The following HIBCH variants were observed in gnomAD, a reference collection of about 807,000 sequenced individuals.
The protein encoded by HIBCH is 3-hydroxyisobutyryl-CoA hydrolase, mitochondrial.
In HIBCH, 50 loss-of-function variants were observed where a neutral mutation model predicts 58.2. The observed-to-expected ratio is 0.86, with a 90% CI of 0.68 to 1.09. The LOEUF is 1.09. Ranked by LOEUF, HIBCH falls within the 50% of genes least tolerant of loss-of-function variation. The probability of loss-of-function intolerance (pLI) is 0.00; values close to 1 mark genes in which losing one functional copy is unlikely to be tolerated. For missense variants in HIBCH, 450 were observed against 449.7 expected (o/e 1.00, Z -0.01); for synonymous variants, 151 against 146.9 (o/e 1.03, Z -0.20).
At chr2:190,319,613 C>T in intron 1 of HIBCH, 103 bp downstream of exon 1, 1 of 1,008,334 alleles carries the variant, frequency 9.9e-7, no homozygotes, top group Non-Finnish European at 1.5e-6. Flanking sequence ...CCTCTGAGCG[C>T]GACTCGAAAC....
chr2:190,261,015 TATTTA>T (rs979502850), intron 7 of HIBCH, 136 bp downstream of exon 7: 10 of 671,794 alleles, frequency 1.5e-5, no homozygotes, highest in Middle Eastern at 4.0e-4. Context: ...AGTATCTTCC[TATTTA>T]ATTTCTTTTT....
In HIBCH at chr2:190,286,579, G is replaced by A. The variant is rs113063283; in HGVS notation, c.438+1007C>T. Among the ~76,000 whole-genome samples, 861 of 152,232 alleles carry A rather than the reference G, an allele frequency of 5.7e-3. 5 individuals are homozygous for A. The highest frequency in any genetic ancestry group is 0.02 in the African/African-American group (817 of 41,544). ...TCTCCATGCAGCCCTTTCCTGCCAT[G>A]AAGACCAATTCTGACCCCTCACTTC... On this transcript the variant is annotated intron_variant, in intron 6 of 13. Transcript: ENST00000359678.
At chr2:190,270,927 C>T (rs779151460) in intron 6 of HIBCH, among the ~76,000 whole-genome samples, 3 of 151,894 alleles carry the variant, frequency 2.0e-5, no homozygotes, top group Non-Finnish European at 4.4e-5. Context: ...TTTTACCCTG[C>T]TATTGGGTAT....
intron 11 of HIBCH, among the ~76,000 whole-genome samples, chr2:190,228,229 G>T (rs923884857): frequency 5.9e-5 from 9 of 152,040 alleles, no homozygotes; most frequent in Admixed American, 5.9e-4. Flanking sequence ...CCATAAAAAA[G>T]GATGAGTTCA....
At chr2:190,274,339 T>C (rs912811910) in intron 6 of HIBCH, among the ~76,000 whole-genome samples, 1 of 152,236 alleles carries the variant, frequency 6.6e-6, no homozygotes, top group African/African-American at 2.4e-5. Flanking sequence ...AGAACATGTC[T>C]TCAATGACAT....
At chr2:190,260,866 G>A (rs1005314895) in intron 7 of HIBCH, among the ~76,000 whole-genome samples, 1 of 152,052 alleles carries the variant, frequency 6.6e-6, no homozygotes, top group African/African-American at 2.4e-5. Context: ...AAACTGCACA[G>A]ATCTAAAGGC....
intron 11 of HIBCH, among the ~76,000 whole-genome samples, chr2:190,241,946 G>T (rs1367376906): frequency 6.6e-6 from 1 of 152,064 alleles, no homozygotes. Flanking sequence ...GTGTCTTGGG[G>T]TTGCTCTTCT....
chr2:190,287,364 A>G (rs1228122243), intron 6 of HIBCH, among the ~76,000 whole-genome samples: 1 of 152,170 alleles, frequency 6.6e-6, no homozygotes, highest in African/African-American at 2.4e-5. Context: ...GCCCGGCCAT[A>G]TAACATAACT....
chr2:190,243,563 A>T lies in HIBCH; in HGVS notation c.891+1324T>A, dbSNP rs933940056. 6.6e-6 allele frequency among the ~76,000 whole-genome samples: 1 copy of T among 152,210 alleles called. No homozygotes were observed. The highest frequency in any genetic ancestry group is 2.4e-5 in the African/African-American group (1 of 41,456). ...CAATCTACTTTTGTGAGTTAGGCAA[A>T]TAAATGGCTGGTCTACCTGCTCTAA... is the stretch of plus-strand genomic sequence containing the variant. On this transcript the variant is annotated intron_variant, in intron 11 of 13. Coordinates refer to ENST00000359678, the MANE Select transcript of HIBCH (RefSeq NM_014362.4). The surrounding 1 kb of genome is among the most constrained non-coding windows in gnomAD (Gnocchi z 4.1).
chr2:190,282,760 GC>G (rs1687735733), intron 6 of HIBCH, among the ~76,000 whole-genome samples: 1 of 151,150 alleles, frequency 6.6e-6, no homozygotes. Context: ...TCTTTCAACG[GC>G]TATACAAGAT....
Position 190,319,764 on chromosome 2 carries a change from G to A in HIBCH, c.-14C>T, listed in dbSNP as rs774367992. ...GCGCTGCCCCATCGCCAAACACTCC[G>A]AAGCTAAAGCAGCAGAGCGAGAATC... On this transcript the variant is annotated 5_prime_UTR_variant, in exon 1 of 14. Transcript: ENST00000359678. 8.1e-6 allele frequency: 13 copies of A among 1,610,528 alleles called. No individual in the cohort carries two copies. Among genetic ancestry groups the A allele is most frequent in the African/African-American group, 2.7e-5 (2 of 74,868 alleles).
At chr2:190,239,655 T>G (rs922089535) in intron 11 of HIBCH, among the ~76,000 whole-genome samples, 16 of 150,630 alleles carry the variant, frequency 1.1e-4, no homozygotes, top group Non-Finnish European at 2.1e-4. Flanking sequence ...TAGTTTTTTT[T>G]TTTTTTTTTT....
chr2:190,220,384 A>G (rs3828269), intron 11 of HIBCH: 47,762 of 152,036 alleles, frequency 0.31, 8,673 homozygotes, highest in African/African-American at 0.48. Flanking sequence ...AAATGGATAG[A>G]ACAGTATCTT....
chr2:190,289,567 G>T (rs900212093), intron 5 of HIBCH, among the ~76,000 whole-genome samples: 1 of 152,116 alleles, frequency 6.6e-6, no homozygotes, highest in Non-Finnish European at 1.5e-5. Context: ...GGGCTGAAAT[G>T]TAACTTCCAA....
At chr2:190,303,079 A>G (rs1234880469) in intron 2 of HIBCH, among the ~76,000 whole-genome samples, 1 of 152,174 alleles carries the variant, frequency 6.6e-6, no homozygotes, top group Non-Finnish European at 1.5e-5. Context: ...GACAGAATGA[A>G]CCCTGACCTA....
intron 1 of HIBCH, among the ~76,000 whole-genome samples, chr2:190,318,003 T>C (rs1235074914): frequency 6.6e-6 from 1 of 151,912 alleles, no homozygotes; most frequent in Non-Finnish European, 1.5e-5. Context: ...TTTTTGTATT[T>C]TTAGTAGAGA....
intron 4 of HIBCH, among the ~76,000 whole-genome samples, chr2:190,294,018 GTGTGTATATATA>G (rs1688034033): frequency 5.0e-5 from 2 of 39,972 alleles, no homozygotes; most frequent in African/African-American, 2.6e-4. Flanking sequence ...TATATATTTT[GTGTGTATATATA>G]TATATATATA....
chr2:190,215,927 G>T lies in HIBCH; in HGVS notation c.892-2852C>A. ...TGTCTGTCAGACACGGGGGAGCCAG[G>T]GCACAGTTAAGGCTCAGCTCATGCC... On this transcript the variant is annotated intron_variant, in intron 11 of 13. Transcript: ENST00000359678. This position sits in a 1 kb window ranked among gnomAD's most constrained non-coding sequence, Gnocchi z 4.4. 6.6e-6 allele frequency: 1 copy of T among 152,570 alleles called. No individual in the cohort carries two copies. Among genetic ancestry groups the T allele is most frequent in the Non-Finnish European group, 1.5e-5 (1 of 68,318 alleles). The allele number at this position is 152,570 out of a possible 1,614,324, so 9.5% of individuals were successfully genotyped here.
At chr2:190,251,413 C>T in intron 8 of HIBCH, 1 of 330,450 alleles carries the variant, frequency 3.0e-6, no homozygotes, top group Non-Finnish European at 6.3e-6. Flanking sequence ...ATAAGCCAGT[C>T]CAGTCAGAGT....
Sources: gnomAD v4.1 joint callset for allele counts (sites outside exome capture counted in the v4.1 genomes callset) on GRCh38, gnomAD v4.1.1 for gene constraint, Gnocchi (gnomAD v3.1) non-coding constraint, MANE v1.5 for transcripts, NCBI Gene and HGNC (gene_info 2026-07-23, HGNC 2026-07-21) for gene names.